The following EPHX1 variants were observed in gnomAD, a reference collection of about 807,000 sequenced individuals.
EPHX1 encodes epoxide hydratase.
EPHX1 carries 40 observed loss-of-function variants against 43.2 expected under a neutral mutation model. The ratio of observed to expected loss-of-function variants is 0.93; its 90% CI spans 0.72 to 1.21. EPHX1 has a LOEUF of 1.21. EPHX1 is among the 50% of genes most tolerant of loss of function. The probability of loss-of-function intolerance (pLI) is 0.00; values close to 1 mark genes in which losing one functional copy is unlikely to be tolerated. For synonymous variants in EPHX1, 221 were observed against 226.7 expected (o/e 0.98, Z 0.22); for missense variants, 550 against 570.4 (o/e 0.96, Z 0.36).
At chr1:225,842,870 GAA>G (rs1170663781) in intron 7 of EPHX1, among the ~76,000 whole-genome samples, 5 of 152,232 alleles carry the variant, frequency 3.3e-5, no homozygotes, top group African/African-American at 1.2e-4. Flanking sequence ...GGTGGTCGCA[GAA>G]AGACAGGAGG....
intron 1 of EPHX1, among the ~76,000 whole-genome samples, chr1:225,827,913 T>C (rs1667332692): frequency 2.4e-5 from 1 of 41,256 alleles, no homozygotes; most frequent in Admixed American, 2.7e-4. Flanking sequence ...GCCTCCCCAT[T>C]ACCCCGTCTG....
chr1:225,828,347 A>G (rs1254598499), intron 1 of EPHX1, among the ~76,000 whole-genome samples: 1 of 151,678 alleles, frequency 6.6e-6, no homozygotes, highest in Non-Finnish European at 1.5e-5. Context: ...CATCTCAAAA[A>G]AAAAAACAAC....
intron 8 of EPHX1, 84 bp downstream of exon 8, chr1:225,844,707 G>A: frequency 6.3e-6 from 10 of 1,582,458 alleles, no homozygotes; most frequent in Non-Finnish European, 8.6e-6. Context: ...AAGGGCACTT[G>A]GTGGTGGGAT....
chr1:225,839,268 T>G lies in EPHX1; in HGVS notation c.644T>G (p.Leu215Arg), dbSNP rs1486803164. 6.2e-7 allele frequency: 1 copy of G among 1,614,112 alleles called. No individual in the cohort carries two copies. Residue 215 changes from leucine to arginine, a missense_variant, in exon 5 of 9, where the codon CTG becomes CGG. Leu to Arg is a moderately radical substitution (Grantham distance 102). Transcript: ENST00000272167. ...ATCTTTTACAAGCTGATGCTGCGGC[T>G]GGGCTTCCAGGAATTCTACATTCAA... The part of the protein sequence containing the change: ...ARIFYKLMLR[L>R]GFQEFYIQGG...
chr1:225,818,647 CT>C (rs1246456606), intron 1 of EPHX1, among the ~76,000 whole-genome samples: 1 of 152,160 alleles, frequency 6.6e-6, no homozygotes, highest in African/African-American at 2.4e-5. Flanking sequence ...TTCAAGTAAA[CT>C]GTTTCTCCAT....
rs545793317 is a variant in EPHX1 at position 225,843,433 on chromosome 1, C to T, written c.1040+959C>T. The stretch of plus-strand genomic sequence containing the variant: ...AGCAAACTCATTCCTGCAGGCAGGT[C>T]CTCACCTCCTCCAAGAGCCTCAGCA... On this transcript the variant is annotated intron_variant, in intron 7 of 8. Transcript: ENST00000272167. 8.5e-4 allele frequency among the ~76,000 whole-genome samples: 130 copies of T among 152,300 alleles called. 2 individuals carry two copies. Among genetic ancestry groups the T allele is most frequent in the Admixed American group, 8.5e-3 (130 of 15,296 alleles).
chr1:225,834,276 G>T (rs139417767), intron 3 of EPHX1, among the ~76,000 whole-genome samples: 1 of 151,444 alleles, frequency 6.6e-6, no homozygotes, highest in Non-Finnish European at 1.5e-5. Flanking sequence ...ATGGTGGCAC[G>T]TGCCTGTAGT....
At chr1:225,816,941 C>T (rs558003069) in intron 1 of EPHX1, among the ~76,000 whole-genome samples, 2 of 152,316 alleles carry the variant, frequency 1.3e-5, no homozygotes, top group South Asian at 4.1e-4. Context: ...ACACAGAGGG[C>T]GATATGCCCC....
chr1:225,832,693 C>G (rs1667681029), intron 3 of EPHX1, among the ~76,000 whole-genome samples: 1 of 152,242 alleles, frequency 6.6e-6, no homozygotes, highest in Non-Finnish European at 1.5e-5. Context: ...TCCCGATTCT[C>G]CAAATCCTTG....
intron 8 of EPHX1, 68 bp from the exon 9 acceptor site, chr1:225,845,078 C>T (rs1668830951): frequency 6.4e-7 from 1 of 1,552,574 alleles, no homozygotes; most frequent in Non-Finnish European, 8.9e-7. Flanking sequence ...CGCTTTAACC[C>T]CCTGCTGTGC....
intron 1 of EPHX1, among the ~76,000 whole-genome samples, chr1:225,821,592 G>C (rs56134039): frequency 4.0e-5 from 4 of 99,310 alleles, no homozygotes; most frequent in African/African-American, 4.3e-5. Context: ...TTTTTTTTGA[G>C]ACAGGTTCTT....
chr1:225,845,125 C>T (rs756046598), intron 8 of EPHX1, 21 bp from the exon 9 acceptor site: 225 of 1,613,716 alleles, frequency 1.4e-4, no homozygotes, highest in Middle Eastern at 8.6e-4. Flanking sequence ...CTCACCCCTC[C>T]GTCGGCTCTT....
intron 1 of EPHX1, among the ~76,000 whole-genome samples, chr1:225,827,972 C>T (rs1003879822): frequency 1.1e-4 from 17 of 152,254 alleles, no homozygotes; most frequent in African/African-American, 3.9e-4. Context: ...GGGCTGTGGG[C>T]CACCATTCAG....
At position 225,832,309 on chromosome 1, in the gene EPHX1, G is replaced by A. The variant is rs1576010699; in HGVS notation, c.364+350G>A. The A allele has an allele frequency of 2.0e-5, 7 of 352,862 alleles. No individual in the cohort carries two copies. The East Asian group carries it at 5.1e-4, about 25-fold the overall frequency. The allele number at this position is 352,862 out of a possible 1,614,324, so 21.9% of individuals were successfully genotyped here. A position where few individuals can be genotyped will look rare whatever the true frequency, so the allele number is the denominator to read the frequency against. ...AATCCCAGCACTTTGGGAGGCTGAG[G>A]TGGGTAGATCACGAGGTCAAGAGTT... On this transcript the variant is annotated intron_variant, in intron 3 of 8. Coordinates refer to ENST00000272167, the MANE Select transcript of EPHX1 (RefSeq NM_001136018.4).
chr1:225,830,923 GA>G lies in EPHX1; in HGVS notation c.184-849del, dbSNP rs1379150185. On this transcript the variant is annotated intron_variant, in intron 2 of 8. Transcript: ENST00000272167. ...GTTTACCTCTTTAAATAGTTAGGGG[GA>G]AAAAAATCAAAAGAAGAATAATAGT... 1.2e-4 allele frequency among the ~76,000 whole-genome samples: 18 copies of G among 152,200 alleles called. 1 individual carries two copies. In the South Asian group the frequency reaches 3.3e-3, roughly 28 times the overall value.
At chr1:225,826,447 CAAAAAAA>C (rs374232833) in intron 1 of EPHX1, among the ~76,000 whole-genome samples, 18 of 84,176 alleles carry the variant, frequency 2.1e-4, no homozygotes, top group East Asian at 9.8e-4. Flanking sequence ...GACTCTGTCT[CAAAAAAA>C]AAAAAAAAAA....
intron 7 of EPHX1, among the ~76,000 whole-genome samples, chr1:225,842,685 C>T (rs1329463621): frequency 2.0e-5 from 3 of 152,244 alleles, no homozygotes; most frequent in Non-Finnish European, 4.4e-5. Flanking sequence ...AGTGCATGGT[C>T]AAGACTAGGA....
intron 1 of EPHX1, among the ~76,000 whole-genome samples, chr1:225,824,849 C>T (rs910130529): frequency 6.6e-6 from 1 of 152,216 alleles, no homozygotes; most frequent in African/African-American, 2.4e-5. Context: ...TCAACACCTG[C>T]TGTCACACCA....
intron 3 of EPHX1, among the ~76,000 whole-genome samples, chr1:225,833,504 A>G (rs1028987177): frequency 2.0e-5 from 3 of 152,202 alleles, no homozygotes; most frequent in East Asian, 3.9e-4. Context: ...CTCTTAAAAA[A>G]AGAGAGAGAG....
Sources: allele counts gnomAD v4.1 joint callset (sites outside exome capture counted in the v4.1 genomes callset), GRCh38; gene constraint gnomAD v4.1.1; transcripts MANE v1.5; gene names NCBI Gene and HGNC (gene_info 2026-07-23, HGNC 2026-07-21).